The following GSE1 variants were observed in gnomAD, a reference collection of about 807,000 sequenced individuals.
GSE1 encodes genetic suppressor element 1.
Under a neutral mutation model 112.6 loss-of-function variants are expected in GSE1, and 32 were observed. The observed-to-expected ratio is 0.28, with a 90% confidence interval of 0.21 to 0.38. GSE1 has a LOEUF of 0.38. GSE1 is among the 10% of genes least tolerant of loss of function. The pLI, the probability that GSE1 is intolerant of heterozygous loss-of-function variation, is 1.00. For missense variants in GSE1, 2,348 were observed against 1,699.2 expected (o/e 1.38, Z -6.71); for synonymous variants, 1,115 against 735.6 (o/e 1.52, Z -8.35).
chr16:85,337,601 G>A (rs9888855), intron 1 of GSE1, among the ~76,000 whole-genome samples: 3 of 152,124 alleles, frequency 2.0e-5, no homozygotes, highest in Non-Finnish European at 4.4e-5. Flanking sequence ...CACCGCGCCC[G>A]GCCAGGCTCA....
intron 2 of GSE1, among the ~76,000 whole-genome samples, chr16:85,543,044 G>C (rs2044577264): frequency 6.6e-6 from 1 of 152,094 alleles, no homozygotes; most frequent in Admixed American, 6.6e-5. Context: ...TGACCAACAT[G>C]GTGAAACTCC....
intron 13 of GSE1, among the ~76,000 whole-genome samples, chr16:85,667,000 T>C (rs770031898): frequency 2.0e-4 from 30 of 152,366 alleles, no homozygotes; most frequent in Middle Eastern, 3.4e-3. Context: ...ACAAGTACTC[T>C]AGAGGTGTGC....
chr16:85,199,647 A>T (rs1202004342), intron 1 of GSE1, among the ~76,000 whole-genome samples: 1 of 151,916 alleles, frequency 6.6e-6, no homozygotes, highest in East Asian at 1.9e-4. Context: ...GGGCCGGAAC[A>T]CCGAGTTTGC....
At chr16:85,224,672 G>A (rs1597839613) in intron 1 of GSE1, among the ~76,000 whole-genome samples, 1 of 152,248 alleles carries the variant, frequency 6.6e-6, no homozygotes. Flanking sequence ...TGGCAGGGGA[G>A]GGGGGCACTT....
At chr16:85,404,962 C>CCT (rs746724882) in intron 2 of GSE1, among the ~76,000 whole-genome samples, 2 of 20,670 alleles carry the variant, frequency 9.7e-5, no homozygotes, top group Admixed American at 7.0e-4. Flanking sequence ...TCAGGCCCCC[C>CCT]GGATAATCCT....
chr16:85,665,811 A>C (rs2052802210), intron 12 of GSE1, among the ~76,000 whole-genome samples, 165 bp from the exon 13 acceptor site: 1 of 152,220 alleles, frequency 6.6e-6, no homozygotes, highest in Non-Finnish European at 1.5e-5. Flanking sequence ...CACTGTCTTC[A>C]GAGAATAGCC....
At position 85,502,484 on chromosome 16, in the gene GSE1, G is replaced by A. The variant is rs895262242; in HGVS notation, c.2465-131430G>A. ...GGAGCAGTCTGGTTCCAAAGTTCCCGCTATTACCGGTGAGTGAGATTCTGA... is the reference window on the plus strand; with the variant it reads ...GGAGCAGTCTGGTTCCAAAGTTCCCACTATTACCGGTGAGTGAGATTCTGA... On this transcript the variant is annotated intron_variant, in intron 2 of 2. Coordinates refer to the GSE1 transcript ENST00000637419. 6.6e-5 allele frequency among the ~76,000 whole-genome samples: 10 copies of A among 152,322 alleles called. No homozygotes were observed. In the East Asian group the frequency reaches 1.7e-3, roughly 26 times the overall value.
At chr16:85,484,024 AC>A (rs1284271939) in intron 2 of GSE1, among the ~76,000 whole-genome samples, 1 of 152,156 alleles carries the variant, frequency 6.6e-6, no homozygotes, top group Non-Finnish European at 1.5e-5. Context: ...AGATGGGGAA[AC>A]TGAGGCAGAG....
chr16:85,415,218 G>A (rs543545851), intron 2 of GSE1, among the ~76,000 whole-genome samples: 73 of 152,204 alleles, frequency 4.8e-4, no homozygotes, highest in Non-Finnish European at 8.8e-4. Context: ...TGGATTACAG[G>A]TGTGAGCCAC....
intron 1 of GSE1, among the ~76,000 whole-genome samples, chr16:85,179,204 G>T (rs777451181): frequency 1.3e-5 from 2 of 152,126 alleles, no homozygotes; most frequent in African/African-American, 4.8e-5. Flanking sequence ...TCTGCCCTCT[G>T]TCTTTATGGA....
chr16:85,344,635 G>A (rs2046696074), intron 1 of GSE1, among the ~76,000 whole-genome samples: 1 of 152,228 alleles, frequency 6.6e-6, no homozygotes, highest in Admixed American at 6.5e-5. Flanking sequence ...CCTTGCGGCT[G>A]CCCCAGGAGG....
chr16:85,555,563 C>T (rs2045161635), upstream of GSE1: 1 of 959,364 alleles, frequency 1.0e-6, no homozygotes, highest in African/African-American at 1.8e-5. Flanking sequence ...CTCCCCTCTC[C>T]CGCTCGCCCC....
At chr16:85,489,594 C>T (rs1165795140) in intron 2 of GSE1, among the ~76,000 whole-genome samples, 5 of 151,992 alleles carry the variant, frequency 3.3e-5, no homozygotes, top group African/African-American at 4.8e-5. Flanking sequence ...CCCCACAAGC[C>T]GTGCTTCATT....
rs1363375587 is a variant in GSE1 at position 85,241,201 on chromosome 16, G to T, written c.2283+69394G>T. 5.4e-5 allele frequency among the ~76,000 whole-genome samples: 8 copies of T among 149,076 alleles called. No homozygotes were observed. In the East Asian group the frequency reaches 1.6e-3, roughly 29 times the overall value. ...ACCTTGGGCTCGGCTGCGAGACCTT[G>T]GGCTCGTTGCTTCTCCTCCCAGAGC... On this transcript the variant is annotated intron_variant, in intron 1 of 2. Transcript: ENST00000637419.
At chr16:85,618,214 G>A (rs2048501844) in intron 1 of GSE1, among the ~76,000 whole-genome samples, 1 of 152,108 alleles carries the variant, frequency 6.6e-6, no homozygotes, top group Admixed American at 6.5e-5. Flanking sequence ...GGCGTGAGGG[G>A]GGTGCGTGCT....
intron 1 of GSE1, among the ~76,000 whole-genome samples, chr16:85,251,669 G>A (rs542017551): frequency 5.3e-5 from 8 of 152,352 alleles, no homozygotes; most frequent in Non-Finnish European, 8.8e-5. Flanking sequence ...TGCTGGGCAC[G>A]TGCCCTCTTT....
intron 1 of GSE1, among the ~76,000 whole-genome samples, chr16:85,253,418 G>A (rs925141055): frequency 6.6e-6 from 1 of 152,248 alleles, no homozygotes; most frequent in Non-Finnish European, 1.5e-5. Flanking sequence ...TGGAAATGGG[G>A]TGGGGTCTCC....
At chr16:85,414,684 C>T (rs976137797) in intron 2 of GSE1, among the ~76,000 whole-genome samples, 1 of 152,212 alleles carries the variant, frequency 6.6e-6, no homozygotes, top group Admixed American at 6.5e-5. Flanking sequence ...ACCCAGGCTG[C>T]AGTGCAATGT....
At chr16:85,618,477 T>C (rs964827193) in intron 1 of GSE1, among the ~76,000 whole-genome samples, 3 of 152,218 alleles carry the variant, frequency 2.0e-5, no homozygotes, top group African/African-American at 7.2e-5. Flanking sequence ...TGTTCGTATC[T>C]GCCTCTTGCT....
Sources: gnomAD v4.1 joint callset for allele counts (sites outside exome capture counted in the v4.1 genomes callset) on GRCh38, gnomAD v4.1.1 for gene constraint, MANE v1.5 for transcripts, NCBI Gene and HGNC (gene_info 2026-07-23, HGNC 2026-07-21) for gene names.